Variants in SLC9C1 observed in about 807,000 individuals in gnomAD.
SLC9C1 encodes sodium/hydrogen exchanger 10.
In SLC9C1, 97 loss-of-function variants were observed where a neutral mutation model predicts 140.9. The ratio of observed to expected loss-of-function variants is 0.69; its 90% CI spans 0.58 to 0.82. The LOEUF (loss-of-function observed/expected upper bound fraction) is 0.82, where lower values mean the gene tolerates loss of function less well. Among genes scored for constraint, SLC9C1 ranks in the 40% least tolerant of loss-of-function variants. The pLI, the probability that SLC9C1 is intolerant of heterozygous loss-of-function variation, is 0.00. For synonymous variants in SLC9C1, 440 were observed against 442.6 expected (o/e 0.99, Z 0.07); for missense variants, 1,340 against 1,389.3 (o/e 0.96, Z 0.56).
At chr3:112,245,623 T>A (rs1448168752) in intron 10 of SLC9C1, among the ~76,000 whole-genome samples, 1 of 152,128 alleles carries the variant, frequency 6.6e-6, no homozygotes, top group Non-Finnish European at 1.5e-5. Context: ...TGTATTTTTA[T>A]AATAAGTCCT....
chr3:112,165,270 C>G (rs1191352114), intron 26 of SLC9C1, among the ~76,000 whole-genome samples: 1 of 152,206 alleles, frequency 6.6e-6, no homozygotes, highest in Non-Finnish European at 1.5e-5. Flanking sequence ...CTTCTCTCAA[C>G]TCGTCAAAGT....
At position 112,280,799 on chromosome 3, in the gene SLC9C1, T is replaced by C. The variant is rs775655472; in HGVS notation, c.89-16A>G. On this transcript the variant is annotated splice_polypyrimidine_tract_variant and intron_variant, in intron 2 of 28. Transcript: ENST00000305815. The stretch of plus-strand genomic sequence containing the variant: ...TTCAAAAATGCTGCAAAAAATATGT[T>C]GTTACTGAAAGGCAATGAGATATCT... 3.7e-6 allele frequency: 6 copies of C among 1,605,872 alleles called. No individual in the cohort carries two copies. In the Admixed American group the frequency reaches 1.0e-4, roughly 27 times the overall value.
At chr3:112,160,516 G>C (rs549334078) in intron 26 of SLC9C1, among the ~76,000 whole-genome samples, 1 of 149,726 alleles carries the variant, frequency 6.7e-6, no homozygotes, top group Non-Finnish European at 1.5e-5. Context: ...GAGAGTATGC[G>C]GTGTTTGGTT....
At chr3:112,288,107 AT>A (rs909827333) in intron 1 of SLC9C1, among the ~76,000 whole-genome samples, 2 of 150,208 alleles carry the variant, frequency 1.3e-5, no homozygotes, top group Middle Eastern at 3.2e-3. Flanking sequence ...AACCTGGCAA[AT>A]TTTTTTTTCA....
intron 15 of SLC9C1, among the ~76,000 whole-genome samples, chr3:112,215,438 A>G (rs1001422745): frequency 4.6e-5 from 7 of 152,158 alleles, no homozygotes; most frequent in African/African-American, 7.2e-5. Flanking sequence ...TGCAGATGAC[A>G]TGATTGTATA....
At chr3:112,286,624 T>C (rs1332748968) in intron 2 of SLC9C1, 80 bp downstream of exon 2, 38 of 1,203,536 alleles carry the variant, frequency 3.2e-5, no homozygotes, top group Admixed American at 1.1e-4. Flanking sequence ...CTATTACTTC[T>C]ACTTTCCTTA....
intron 26 of SLC9C1, among the ~76,000 whole-genome samples, chr3:112,155,572 A>T (rs1365960909): frequency 6.6e-6 from 1 of 152,134 alleles, no homozygotes; most frequent in Non-Finnish European, 1.5e-5. Flanking sequence ...GAAAAAGCTG[A>T]GATTTCAAGG....
intron 7 of SLC9C1, among the ~76,000 whole-genome samples, chr3:112,269,122 G>C (rs772191065): frequency 1.3e-5 from 2 of 152,086 alleles, no homozygotes; most frequent in African/African-American, 2.4e-5. Context: ...CCCCCGCTCC[G>C]CCTTTTTGTT....
chr3:112,237,548 G>A (rs1328799235), intron 12 of SLC9C1, among the ~76,000 whole-genome samples: 2 of 152,134 alleles, frequency 1.3e-5, no homozygotes, highest in African/African-American at 4.8e-5. Flanking sequence ...TTTCTTCCTA[G>A]CATCGATGGT....
chr3:112,161,936 T>C (rs1430894659), intron 26 of SLC9C1, among the ~76,000 whole-genome samples: 1 of 151,806 alleles, frequency 6.6e-6, no homozygotes, highest in East Asian at 1.9e-4. Context: ...TGTATCCTCT[T>C]TTATTTCCTT....
At chr3:112,239,231 C>T (rs563831484) in intron 12 of SLC9C1, among the ~76,000 whole-genome samples, 27 of 152,320 alleles carry the variant, frequency 1.8e-4, no homozygotes, top group South Asian at 8.3e-4. Context: ...GAGCTAGCTC[C>T]GTGGGTGTGG....
intron 26 of SLC9C1, 117 bp downstream of exon 26, chr3:112,167,104 T>G (rs1576252962): frequency 3.5e-6 from 4 of 1,132,240 alleles, no homozygotes. Context: ...AATATGGCAG[T>G]TAAAAGGATT....
intron 10 of SLC9C1, among the ~76,000 whole-genome samples, chr3:112,256,885 AC>A (rs2079622533): frequency 6.6e-6 from 1 of 152,182 alleles, no homozygotes. Flanking sequence ...AAATCATCAT[AC>A]AAAATTCATC....
At chr3:112,190,439 C>G (rs1022324209) in intron 20 of SLC9C1, among the ~76,000 whole-genome samples, 3 of 152,180 alleles carry the variant, frequency 2.0e-5, no homozygotes, top group Admixed American at 1.3e-4. Flanking sequence ...GAGTTTTTAG[C>G]ATGAATGGCC....
In SLC9C1 at chr3:112,272,790, G is replaced by A. The variant is rs573536252; in HGVS notation, c.613+2107C>T. ...TCAAAATTACAAGGCAAGCTCTATG[G>A]AGGCAAGGGGATTTTGCTTATTGTG... On this transcript the variant is annotated intron_variant, in intron 6 of 28. Transcript: ENST00000305815. Among the ~76,000 whole-genome samples, 9 of 152,212 alleles carry A rather than the reference G, an allele frequency of 5.9e-5. No individual in the cohort carries two copies. The South Asian group carries it at 1.9e-3, about 32-fold the overall frequency.
intron 12 of SLC9C1, among the ~76,000 whole-genome samples, chr3:112,236,266 T>G (rs2078983345): frequency 6.6e-6 from 1 of 152,224 alleles, no homozygotes; most frequent in Non-Finnish European, 1.5e-5. Context: ...TAGAGGTGTT[T>G]ATGGTATTCT....
chr3:112,243,956 GT>G, intron 11 of SLC9C1, 38 bp downstream of exon 11: 2 of 1,353,278 alleles, frequency 1.5e-6, no homozygotes, highest in East Asian at 2.4e-5. Flanking sequence ...TACTTAGAAT[GT>G]TTTTCTCTCC....
intron 20 of SLC9C1, chr3:112,185,883 A>T: frequency 6.3e-7 from 1 of 1,587,326 alleles, no homozygotes; most frequent in Non-Finnish European, 8.5e-7. Flanking sequence ...GCCAGGCGGC[A>T]GGGGGCTCTC....
intron 13 of SLC9C1, among the ~76,000 whole-genome samples, chr3:112,226,241 A>G (rs1366180403): frequency 3.9e-5 from 6 of 152,200 alleles, no homozygotes; most frequent in African/African-American, 1.4e-4. Flanking sequence ...CAAGAAGAAC[A>G]TTGGAAACTG....
Sources: allele counts gnomAD v4.1 joint callset (sites outside exome capture counted in the v4.1 genomes callset), GRCh38; gene constraint gnomAD v4.1.1; transcripts MANE v1.5; gene names NCBI Gene and HGNC (gene_info 2026-07-23, HGNC 2026-07-21).